Variants in RPA2 observed in about 807,000 individuals in gnomAD.
RPA2 encodes replication protein A 32 kDa subunit.
In RPA2, 22 loss-of-function variants were observed where a neutral mutation model predicts 33.4. That is an observed-to-expected ratio of 0.66 (90% CI 0.47 to 0.94). RPA2 has a LOEUF of 0.94. Among genes scored for constraint, RPA2 ranks in the 40% least tolerant of loss-of-function variants. RPA2 has a pLI of 0.00. For missense variants in RPA2, 279 were observed against 329.9 expected, an observed-to-expected ratio of 0.85 and a Z score of 1.19; for synonymous variants, 109 against 114.9, an observed-to-expected ratio of 0.95 and a Z score of 0.33.
chr1:27,904,466 G>A (rs1203597164), intron 4 of RPA2, among the ~76,000 whole-genome samples: 3 of 151,978 alleles, frequency 2.0e-5, no homozygotes, highest in South Asian at 4.2e-4. Flanking sequence ...TTGATGGCAG[G>A]GACTGTGTCT....
At chr1:27,902,484 A>T (rs768835909) in intron 4 of RPA2, among the ~76,000 whole-genome samples, 7 of 152,030 alleles carry the variant, frequency 4.6e-5, no homozygotes, top group East Asian at 1.9e-4. Context: ...GGGTTATACC[A>T]TGTTGGCCAG....
intron 4 of RPA2, among the ~76,000 whole-genome samples, chr1:27,900,162 A>G (rs1183966928): frequency 6.6e-6 from 1 of 152,046 alleles, no homozygotes; most frequent in Non-Finnish European, 1.5e-5. Context: ...TCCAGGACGG[A>G]TTACAATGGT....
At chr1:27,905,332 C>T (rs1431643038) in intron 4 of RPA2, among the ~76,000 whole-genome samples, 1 of 152,082 alleles carries the variant, frequency 6.6e-6, no homozygotes, top group East Asian at 1.9e-4. Flanking sequence ...CTTGCTCTGT[C>T]GCCCAGGCTG....
intron 4 of RPA2, among the ~76,000 whole-genome samples, chr1:27,906,638 G>A (rs917866093): frequency 6.6e-6 from 1 of 152,102 alleles, no homozygotes; most frequent in South Asian, 2.1e-4. Context: ...GTAGTGAGCC[G>A]AGATTCCACC....
intron 4 of RPA2, among the ~76,000 whole-genome samples, chr1:27,902,230 G>A (rs1361645570): frequency 1.3e-5 from 2 of 151,282 alleles, no homozygotes; most frequent in Non-Finnish European, 2.9e-5. Context: ...GGGACTACAG[G>A]CACGTGCTAC....
At chr1:27,909,511 C>T (rs2090071414) in intron 2 of RPA2, among the ~76,000 whole-genome samples, 1 of 152,012 alleles carries the variant, frequency 6.6e-6, no homozygotes, top group Non-Finnish European at 1.5e-5. Flanking sequence ...AGTTTGAGAT[C>T]AAGCCTGGCC....
intron 1 of RPA2, 44 bp downstream of exon 1, chr1:27,914,390 T>G: frequency 6.2e-7 from 1 of 1,613,484 alleles, no homozygotes; most frequent in Non-Finnish European, 8.5e-7. Flanking sequence ...TGCTAAAACC[T>G]CCTGCGATTC....
At chr1:27,905,714 G>A (rs558276028) in intron 4 of RPA2, among the ~76,000 whole-genome samples, 4 of 151,788 alleles carry the variant, frequency 2.6e-5, no homozygotes, top group African/African-American at 7.3e-5. Context: ...TGCAAGCTCC[G>A]CCTCCCAGCT....
At chr1:27,909,138 C>CA (rs1217772893) in intron 2 of RPA2, among the ~76,000 whole-genome samples, 3 of 152,116 alleles carry the variant, frequency 2.0e-5, no homozygotes, top group Non-Finnish European at 4.4e-5. Context: ...GTACAAGGCA[C>CA]AAAAACGATG....
rs941812612 is a variant in RPA2, at chr1:27,907,125, T to G, written c.219+56A>C. 4 of 1,581,904 alleles carry G rather than the reference T, an allele frequency of 2.5e-6. No homozygotes were observed. In the African/African-American group the frequency reaches 4.1e-5, roughly 16 times the overall value. On this transcript the variant is annotated intron_variant, in intron 3 of 8. Transcript: ENST00000373912. ...TACATTTTTGTATTTTTTAATGAAGTCTTATTTCATTCTTTATTATGAGTA... is the reference window on the plus strand; with the variant it reads ...TACATTTTTGTATTTTTTAATGAAGGCTTATTTCATTCTTTATTATGAGTA...
At chr1:27,905,696 T>C (rs2090018395) in intron 4 of RPA2, among the ~76,000 whole-genome samples, 1 of 150,436 alleles carries the variant, frequency 6.6e-6, no homozygotes, top group Admixed American at 6.6e-5. Context: ...GGCGCAATCT[T>C]GGCTCACTGC....
chr1:27,912,989 A>G (rs1467286807), intron 2 of RPA2, among the ~76,000 whole-genome samples: 3 of 152,050 alleles, frequency 2.0e-5, no homozygotes, highest in Non-Finnish European at 4.4e-5. Context: ...CTCTTGCTCT[A>G]TCACCCAGGC....
At chr1:27,894,792 C>A (rs534529014) in intron 6 of RPA2, among the ~76,000 whole-genome samples, 2 of 152,106 alleles carry the variant, frequency 1.3e-5, no homozygotes, top group Non-Finnish European at 1.5e-5. Context: ...CAGTCCCTAT[C>A]GTCCTCTCTT....
intron 4 of RPA2, among the ~76,000 whole-genome samples, chr1:27,901,666 A>G (rs955319343): frequency 2.0e-5 from 3 of 152,094 alleles, no homozygotes; most frequent in South Asian, 2.1e-4. Flanking sequence ...CAGCCACCAT[A>G]AAGTATTTTT....
chr1:27,911,442 C>A (rs1259197713), intron 2 of RPA2, among the ~76,000 whole-genome samples: 1 of 152,152 alleles, frequency 6.6e-6, no homozygotes, highest in Non-Finnish European at 1.5e-5. Context: ...TCTTAATACC[C>A]AGCTTTTAGG....
intron 4 of RPA2, among the ~76,000 whole-genome samples, chr1:27,899,515 A>G (rs1335505189): frequency 1.6e-5 from 1 of 63,392 alleles, no homozygotes; most frequent in Non-Finnish European, 4.0e-5. Context: ...AAAAAAAAGA[A>G]AAAAAAAAAA....
intron 2 of RPA2, among the ~76,000 whole-genome samples, chr1:27,910,608 A>G (rs1178236839): frequency 6.6e-6 from 1 of 152,238 alleles, no homozygotes; most frequent in Admixed American, 6.5e-5. Flanking sequence ...GGAAAGTACC[A>G]TTATTACAGA....
rs1158735496 is a variant in RPA2 at position 27,906,996 on chromosome 1, T to C, written c.265A>G (p.Asn89Asp). 5.0e-6 allele frequency: 8 copies of C among 1,613,954 alleles called. No homozygotes were observed. The highest frequency in any genetic ancestry group is 6.8e-6 in the Non-Finnish European group (8 of 1,179,996). ...ATGTCATCTATTTTGTAAACAATGT[T>C]GGTTGGAGCCTTCTCTGCATGTCTG... The part of the protein sequence containing the change: ...IIRHAEKAPT[N>D]IVYKIDDMTA... The change falls in exon 4 of 9, where the codon AAC becomes GAC. Residue 89 changes from asparagine to aspartate, a missense_variant. Physicochemically the swap from Asn to Asp is conservative, Grantham distance 23. This residue lies in a region of RPA2 where 274 missense variants were observed against 310.3 expected (regional missense o/e 0.88). Coordinates refer to ENST00000373912, the MANE Select transcript of RPA2 (RefSeq NM_002946.5).
intron 4 of RPA2, among the ~76,000 whole-genome samples, chr1:27,900,674 CT>C (rs980995633): frequency 2.0e-5 from 3 of 151,222 alleles, no homozygotes; most frequent in Admixed American, 6.6e-5. Context: ...GAGTTGCTTC[CT>C]TTTTTTTGAG....
Sources: allele counts gnomAD v4.1 joint callset (sites outside exome capture counted in the v4.1 genomes callset), GRCh38; gene constraint gnomAD v4.1.1; regional missense constraint gnomAD v4.1.1; transcripts MANE v1.5; gene names NCBI Gene and HGNC (gene_info 2026-07-23, HGNC 2026-07-21).